Variants in CSMD1 observed in about 807,000 individuals in gnomAD.
CSMD1 encodes the protein CUB and Sushi multiple domains 1, also known as CUB and sushi domain-containing protein 1.
In CSMD1, 213 loss-of-function variants were observed where a neutral mutation model predicts 417.5. That is an observed-to-expected ratio of 0.51 (90% CI 0.46 to 0.57). The LOEUF (loss-of-function observed/expected upper bound fraction) is 0.57, where lower values mean the gene tolerates loss of function less well. CSMD1 is among the 20% of genes least tolerant of loss of function. The pLI is 0.00. For synonymous variants in CSMD1, 2,862 were observed against 1,736.8 expected, an observed-to-expected ratio of 1.65 and a Z score of -16.11; for missense variants, 6,923 against 4,529.7, an observed-to-expected ratio of 1.53 and a Z score of -15.17.
At chr8:4,788,004 C>G (rs185251474) in intron 1 of CSMD1, 1 of 1,589,910 alleles carries the variant, frequency 6.3e-7, no homozygotes. Context: ...ACAGTGTTAT[C>G]GGGATCTCAA....
chr8:3,860,920 A>G, intron 5 of CSMD1, among the ~76,000 whole-genome samples: 1 of 152,344 alleles, frequency 6.6e-6, no homozygotes, highest in Admixed American at 6.5e-5. Context: ...ATACTATAGA[A>G]TTATTTTTAA....
intron 47 of CSMD1, among the ~76,000 whole-genome samples, chr8:3,093,146 A>G (rs900243842): frequency 3.9e-5 from 6 of 152,126 alleles, no homozygotes; most frequent in South Asian, 2.1e-4. Flanking sequence ...TGTGACTTTA[A>G]AGAGAGAGAG....
chr8:3,507,323 AG>A (rs1180923784), intron 10 of CSMD1, among the ~76,000 whole-genome samples: 1 of 152,214 alleles, frequency 6.6e-6, no homozygotes, highest in Non-Finnish European at 1.5e-5. Context: ...GTCCCTAAAA[AG>A]GACATGAACT....
chr8:4,692,481 G>C (rs1043797284), intron 1 of CSMD1, among the ~76,000 whole-genome samples: 4 of 152,128 alleles, frequency 2.6e-5, no homozygotes, highest in Middle Eastern at 6.3e-3. Context: ...CATGGGAGTT[G>C]AAGGGGTTGA....
chr8:3,143,953 G>T (rs1818674732), intron 40 of CSMD1, among the ~76,000 whole-genome samples: 2 of 152,102 alleles, frequency 1.3e-5, no homozygotes, highest in South Asian at 2.1e-4. Flanking sequence ...ATTGTAGGGA[G>T]GAAACACCTA....
At chr8:4,847,385 T>G (rs1801203051) in intron 1 of CSMD1, among the ~76,000 whole-genome samples, 1 of 152,172 alleles carries the variant, frequency 6.6e-6, no homozygotes, top group South Asian at 2.1e-4. Flanking sequence ...CAAATAAAAA[T>G]AAATCTTTTT....
chr8:3,451,267 C>A (rs1320372567), intron 12 of CSMD1, among the ~76,000 whole-genome samples: 2 of 152,152 alleles, frequency 1.3e-5, no homozygotes, highest in Non-Finnish European at 2.9e-5. Flanking sequence ...CTGTAGGATG[C>A]CTGTTCACTC....
chr8:3,136,886 T>G (rs1818132574), intron 41 of CSMD1, among the ~76,000 whole-genome samples: 1 of 152,126 alleles, frequency 6.6e-6, no homozygotes, highest in Non-Finnish European at 1.5e-5. Context: ...TGACATGAAT[T>G]GGCTAAATTT....
chr8:3,602,010 T>A (rs942217131), intron 8 of CSMD1, among the ~76,000 whole-genome samples: 2 of 152,134 alleles, frequency 1.3e-5, no homozygotes, highest in Non-Finnish European at 2.9e-5. Flanking sequence ...TGGGAAGTTA[T>A]GGCTTTATGG....
intron 5 of CSMD1, among the ~76,000 whole-genome samples, chr8:3,782,100 G>A (rs769528034): frequency 3.3e-5 from 5 of 152,110 alleles, no homozygotes; most frequent in Admixed American, 6.6e-5. Context: ...TAAAATTTGA[G>A]AGCCATGAAG....
intron 11 of CSMD1, among the ~76,000 whole-genome samples, chr8:3,485,717 G>C (rs1228508345): frequency 6.6e-6 from 1 of 150,756 alleles, no homozygotes; most frequent in African/African-American, 2.4e-5. Flanking sequence ...TTGAGATTGT[G>C]CCACTGCACT....
intron 4 of CSMD1, among the ~76,000 whole-genome samples, chr8:4,009,819 T>C (rs566714879): frequency 1.3e-5 from 2 of 152,170 alleles, no homozygotes; most frequent in South Asian, 2.1e-4. Context: ...CCTCCTGTTC[T>C]CAGAGAGTCA....
chr8:3,390,644 T>A (rs1198819124), intron 17 of CSMD1, among the ~76,000 whole-genome samples: 1 of 151,062 alleles, frequency 6.6e-6, no homozygotes, highest in African/African-American at 2.5e-5. Flanking sequence ...ATACAAATAG[T>A]TACAAACATT....
intron 17 of CSMD1, among the ~76,000 whole-genome samples, chr8:3,389,338 G>C (rs972097312): frequency 2.0e-5 from 3 of 152,000 alleles, no homozygotes; most frequent in Admixed American, 2.0e-4. Flanking sequence ...TCATCATTTA[G>C]CTCCCACTTA....
At chr8:4,935,553 CTT>C (rs1030996902) in intron 1 of CSMD1, among the ~76,000 whole-genome samples, 1 of 152,152 alleles carries the variant, frequency 6.6e-6, no homozygotes, top group African/African-American at 2.4e-5. Flanking sequence ...AGGTTATACA[CTT>C]TTTTCTGAAT....
intron 5 of CSMD1, among the ~76,000 whole-genome samples, chr8:3,826,758 T>A (rs536522381): frequency 6.6e-6 from 1 of 152,242 alleles, no homozygotes; most frequent in South Asian, 2.1e-4. Flanking sequence ...GACTCACTTA[T>A]AAGCATTGAA....
At chr8:4,863,490 T>G (rs1267515787) in intron 1 of CSMD1, among the ~76,000 whole-genome samples, 1 of 152,082 alleles carries the variant, frequency 6.6e-6, no homozygotes, top group East Asian at 1.9e-4. Context: ...CTAGTAACAT[T>G]TAGTTCAGTG....
At chr8:3,108,904 C>T (rs1477029414) in intron 43 of CSMD1, among the ~76,000 whole-genome samples, 156 bp from the exon 44 acceptor site, 1 of 152,138 alleles carries the variant, frequency 6.6e-6, no homozygotes, top group Non-Finnish European at 1.5e-5. Context: ...GTTGAATGTC[C>T]ACAAAGTTGA....
chr8:4,835,936 G>A (rs867624921), intron 1 of CSMD1, among the ~76,000 whole-genome samples: 1 of 151,746 alleles, frequency 6.6e-6, no homozygotes, highest in Non-Finnish European at 1.5e-5. Flanking sequence ...TACAAAGGAG[G>A]GAAATTTAAT....
Sources: allele counts gnomAD v4.1 joint callset (sites outside exome capture counted in the v4.1 genomes callset), GRCh38; gene constraint gnomAD v4.1.1; transcripts MANE v1.5; gene names NCBI Gene and HGNC (gene_info 2026-07-23, HGNC 2026-07-21).